The following DCC variants were observed in gnomAD, a reference collection of about 807,000 sequenced individuals.
DCC encodes the protein DCC netrin 1 receptor.
DCC carries 58 observed loss-of-function variants against 172.5 expected under a neutral mutation model. That is an observed-to-expected ratio of 0.34 (90% CI 0.27 to 0.42). The LOEUF (loss-of-function observed/expected upper bound fraction) is 0.42, where lower values mean the gene tolerates loss of function less well. DCC is among the 10% of genes least tolerant of loss of function. The pLI is 1.00. For missense variants in DCC, 1,740 were observed against 1,791.0 expected (o/e 0.97, Z 0.51); for synonymous variants, 709 against 644.5 (o/e 1.10, Z -1.52).
chr18:52,646,226 T>C (rs2035015720), intron 1 of DCC, among the ~76,000 whole-genome samples: 1 of 152,212 alleles, frequency 6.6e-6, no homozygotes, highest in Non-Finnish European at 1.5e-5. Flanking sequence ...TTTCTAATCA[T>C]CCTGAAGTCC....
At chr18:53,080,948 T>G (rs977285685) in intron 7 of DCC, among the ~76,000 whole-genome samples, 2 of 152,036 alleles carry the variant, frequency 1.3e-5, no homozygotes, top group Non-Finnish European at 2.9e-5. Context: ...CTGGACATAT[T>G]TTACCCAGCT....
intron 12 of DCC, among the ~76,000 whole-genome samples, chr18:53,251,367 G>A (rs752536232): frequency 8.0e-4 from 122 of 151,802 alleles, no homozygotes; most frequent in Non-Finnish European, 1.2e-3. Context: ...ATTGGACTCC[G>A]CTCACTTTTG....
chr18:52,605,442 G>A (rs1056480310), intron 1 of DCC, among the ~76,000 whole-genome samples: 5 of 152,062 alleles, frequency 3.3e-5, no homozygotes, highest in African/African-American at 9.7e-5. Flanking sequence ...TTCTACAATC[G>A]CTAAGATTAA....
At chr18:53,454,087 C>G (rs1220581144) in intron 23 of DCC, among the ~76,000 whole-genome samples, 1 of 152,188 alleles carries the variant, frequency 6.6e-6, no homozygotes, top group Non-Finnish European at 1.5e-5. Flanking sequence ...GCTGGACACA[C>G]CTGTAACCCC....
intron 2 of DCC, among the ~76,000 whole-genome samples, chr18:52,778,373 AT>A (rs2037472438): frequency 6.6e-6 from 1 of 152,072 alleles, no homozygotes; most frequent in Non-Finnish European, 1.5e-5. Flanking sequence ...GAATTTTTTA[AT>A]TTTTTGCATT....
At chr18:53,469,171 G>C (rs746624398) in intron 25 of DCC, among the ~76,000 whole-genome samples, 7 of 151,894 alleles carry the variant, frequency 4.6e-5, no homozygotes, top group Non-Finnish European at 8.8e-5. Flanking sequence ...GCTTAACTTA[G>C]GTTTTATAGT....
At chr18:52,471,271 G>C (rs1035982712) in intron 1 of DCC, among the ~76,000 whole-genome samples, 3 of 152,138 alleles carry the variant, frequency 2.0e-5, no homozygotes, top group Non-Finnish European at 2.9e-5. Flanking sequence ...GACTGCTTGA[G>C]CCCAGGAAGC....
intron 2 of DCC, among the ~76,000 whole-genome samples, chr18:52,889,175 C>A (rs1180306329): frequency 1.3e-5 from 2 of 151,938 alleles, no homozygotes; most frequent in Non-Finnish European, 2.9e-5. Context: ...GGGTAAAAAT[C>A]TTTACTTTTT....
chr18:52,929,067 G>A (rs2040262720), intron 5 of DCC, among the ~76,000 whole-genome samples: 1 of 152,108 alleles, frequency 6.6e-6, no homozygotes, highest in Non-Finnish European at 1.5e-5. Flanking sequence ...GAAAAAGTGG[G>A]TACTGGGGAG....
At chr18:52,348,379 C>G (rs962955391) in intron 1 of DCC, among the ~76,000 whole-genome samples, 1 of 152,098 alleles carries the variant, frequency 6.6e-6, no homozygotes, top group Non-Finnish European at 1.5e-5. Flanking sequence ...TCTTTTCATC[C>G]GGGAGGCAAA....
At chr18:53,424,422 C>G (rs1016209723) in intron 21 of DCC, among the ~76,000 whole-genome samples, 1 of 152,098 alleles carries the variant, frequency 6.6e-6, no homozygotes, top group African/African-American at 2.4e-5. Flanking sequence ...TTCCGTGGGT[C>G]CATTTTCAAG....
chr18:53,013,590 A>G (rs189264514), intron 5 of DCC, among the ~76,000 whole-genome samples: 286 of 151,802 alleles, frequency 1.9e-3, no homozygotes, highest in Non-Finnish European at 3.2e-3. Flanking sequence ...TACCTAATGC[A>G]TGTGGGGCTT....
At chr18:52,766,035 T>C (rs1394535115) in intron 2 of DCC, among the ~76,000 whole-genome samples, 1 of 152,158 alleles carries the variant, frequency 6.6e-6, no homozygotes, top group East Asian at 1.9e-4. Flanking sequence ...AGCCCACTGC[T>C]CTCAACTCCT....
intron 2 of DCC, among the ~76,000 whole-genome samples, chr18:52,839,957 T>A (rs2038775717): frequency 6.6e-6 from 1 of 152,236 alleles, no homozygotes; most frequent in African/African-American, 2.4e-5. Flanking sequence ...TACAGGCCAA[T>A]GGATTGGCTC....
At chr18:52,792,754 GATTCT>G (rs1568106958) in intron 2 of DCC, among the ~76,000 whole-genome samples, 249 of 23,122 alleles carry the variant, frequency 0.011, no homozygotes, top group African/African-American at 0.053. Context: ...CATTCCAGTT[GATTCT>G]ATTCCATTCT....
At chr18:52,525,426 G>C (rs2031953031) in intron 1 of DCC, among the ~76,000 whole-genome samples, 1 of 152,142 alleles carries the variant, frequency 6.6e-6, no homozygotes, top group African/African-American at 2.4e-5. Flanking sequence ...ACTGTGGCCT[G>C]TGGGCCAAAT....
intron 9 of DCC, among the ~76,000 whole-genome samples, chr18:53,192,229 C>T (rs769407946): frequency 2.0e-5 from 3 of 152,032 alleles, no homozygotes; most frequent in Admixed American, 6.6e-5. Flanking sequence ...TAAATGTCAG[C>T]GAAATCGCAA....
intron 12 of DCC, among the ~76,000 whole-genome samples, chr18:53,257,008 CTGTT>C (rs1284320098): frequency 1.3e-5 from 2 of 152,142 alleles, no homozygotes; most frequent in African/African-American, 4.8e-5. Flanking sequence ...ATTTGGCTCT[CTGTT>C]TGTCTGTTAT....
chr18:53,406,744 A>G (rs935779544), intron 19 of DCC, among the ~76,000 whole-genome samples: 1 of 150,270 alleles, frequency 6.7e-6, no homozygotes, highest in Non-Finnish European at 1.5e-5. Flanking sequence ...AAAAAAGTAC[A>G]GGTACAGAAA....
Sources: gnomAD v4.1 joint callset for allele counts (sites outside exome capture counted in the v4.1 genomes callset) on GRCh38, gnomAD v4.1.1 for gene constraint, MANE v1.5 for transcripts, NCBI Gene and HGNC (gene_info 2026-07-23, HGNC 2026-07-21) for gene names.